RALGAPA2: variants seen among roughly 807,000 people sequenced by gnomAD.
The protein encoded by RALGAPA2 is Ral GTPase activating protein catalytic subunit alpha 2.
Under a neutral mutation model 230.4 loss-of-function variants are expected in RALGAPA2, and 139 were observed. That is an observed-to-expected ratio of 0.60 (90% CI 0.53 to 0.69). The LOEUF (loss-of-function observed/expected upper bound fraction) is 0.69, where lower values mean the gene tolerates loss of function less well. Ranked by LOEUF, RALGAPA2 falls within the 30% of genes least tolerant of loss-of-function variation. The pLI is 0.00. For missense variants in RALGAPA2, 2,163 were observed against 2,276.0 expected (o/e 0.95, Z 1.01); for synonymous variants, 847 against 837.8 (o/e 1.01, Z -0.19).
chr20:20,693,166 T>C (rs1481926311), intron 1 of RALGAPA2, among the ~76,000 whole-genome samples: 2 of 152,230 alleles, frequency 1.3e-5, no homozygotes, highest in East Asian at 3.9e-4. Context: ...CCAGGAGTGA[T>C]AGTCCTTGTG....
intron 24 of RALGAPA2, 50 bp downstream of exon 24, chr20:20,546,654 C>T (rs192290447): frequency 9.2e-6 from 14 of 1,519,756 alleles, no homozygotes; most frequent in African/African-American, 2.8e-5. Flanking sequence ...ACCTTGTTAG[C>T]GATTGTGAAG....
At position 20,709,724 on chromosome 20, in the gene RALGAPA2, A is replaced by G. The variant is rs1187139189; in HGVS notation, c.106+2651T>C. 3.3e-5 allele frequency among the ~76,000 whole-genome samples: 5 copies of G among 152,216 alleles called. No homozygotes were observed. In the East Asian group the frequency reaches 9.6e-4, roughly 29 times the overall value. ...AATCATACCAGACCAGTCTATAGCC[A>G]GGTGAAAGTATCTACATCCAAATTG... On this transcript the variant is annotated intron_variant, in intron 1 of 39. Coordinates refer to ENST00000202677, the MANE Select transcript of RALGAPA2 (RefSeq NM_020343.4).
intron 10 of RALGAPA2, among the ~76,000 whole-genome samples, chr20:20,623,654 C>G (rs1024419705): frequency 4.6e-5 from 7 of 152,172 alleles, no homozygotes; most frequent in Non-Finnish European, 7.4e-5. Flanking sequence ...CTCTCTGTCT[C>G]TCTGAGGTGC....
chr20:20,521,173 G>C, intron 30 of RALGAPA2, 73 bp from the exon 31 acceptor site: 1 of 1,277,428 alleles, frequency 7.8e-7, no homozygotes. Context: ...TCAAACTACT[G>C]CAGCACTTGG....
At chr20:20,443,533 T>C (rs925250086) in intron 37 of RALGAPA2, among the ~76,000 whole-genome samples, 2 of 152,206 alleles carry the variant, frequency 1.3e-5, no homozygotes, top group African/African-American at 4.8e-5. Context: ...CTGGTGCTAT[T>C]TGTCTTTTAT....
At chr20:20,536,119 C>T (rs1372034893) in intron 25 of RALGAPA2, among the ~76,000 whole-genome samples, 4 of 152,226 alleles carry the variant, frequency 2.6e-5, no homozygotes, top group Non-Finnish European at 5.9e-5. Context: ...ATGTTGTACA[C>T]TGAATTATAT....
rs1255631742 is a variant in RALGAPA2, at chr20:20,583,133, A to G, written c.2624T>C (p.Leu875Pro). The G allele has an allele frequency of 4.3e-6, 7 of 1,613,594 alleles. No individual in the cohort carries two copies. In the Admixed American group the frequency reaches 5.0e-5, roughly 12 times the overall value. Residue 875 changes from leucine to proline, a missense_variant, in exon 20 of 40, where the codon CTG becomes CCG. Transcript: ENST00000202677. ...PWQTCEEDPE[L>P]NTPTDVVADA... ...AGCCACAACATCTGTGGGAGTATTC[A>G]GTTCTGGGTCTTCCTCACAGGTCTG...
rs774042628 is a variant in RALGAPA2, at chr20:20,472,945, A to C, written c.5379T>G (p.Phe1793Leu). 8 of 1,593,136 alleles carry C rather than the reference A, an allele frequency of 5.0e-6. No individual in the cohort carries two copies. The East Asian group carries it at 6.7e-5, about 13-fold the overall frequency. The change falls in exon 37 of 40, where the codon TTT (phenylalanine) becomes TTG (leucine). Residue 1793 changes from phenylalanine (F) to leucine (L), a missense_variant. By Grantham distance (22) the Phe-to-Leu change is conservative. Transcript: ENST00000202677. ...CTATGGCTCCATCAAACAGAGGCCC[A>C]AAAAATGGAACCTGTTGATTTGAAA... ...AITKKPEVPF[F>L]GPLFDGAIVS...
At chr20:20,606,314 A>T (rs2065818598) in intron 14 of RALGAPA2, among the ~76,000 whole-genome samples, 1 of 151,900 alleles carries the variant, frequency 6.6e-6, no homozygotes, top group Non-Finnish European at 1.5e-5. Context: ...GGCTCCAGTT[A>T]TCCTCTGTGT....
chr20:20,669,785 C>T (rs560387790), intron 3 of RALGAPA2, among the ~76,000 whole-genome samples: 3 of 152,282 alleles, frequency 2.0e-5, no homozygotes, highest in African/African-American at 7.2e-5. Context: ...AAAACTTCTT[C>T]CTTCATAACA....
chr20:20,628,934 T>TC (rs2066579491), intron 10 of RALGAPA2, among the ~76,000 whole-genome samples: 1 of 152,184 alleles, frequency 6.6e-6, no homozygotes, highest in South Asian at 2.1e-4. Flanking sequence ...GCCACACGCC[T>TC]CTGCAGAGTT....
chr20:20,677,628 CATTTTTTT>C (rs1354274750), intron 2 of RALGAPA2, among the ~76,000 whole-genome samples: 2 of 121,840 alleles, frequency 1.6e-5, no homozygotes, highest in South Asian at 5.4e-4. Flanking sequence ...TGATTTGACC[CATTTTTTT>C]TTTTTTTTTT....
intron 27 of RALGAPA2, 91 bp downstream of exon 27, chr20:20,531,596 G>C (rs780410702): frequency 1.4e-4 from 153 of 1,074,894 alleles, no homozygotes; most frequent in Non-Finnish European, 2.1e-4. Flanking sequence ...TGTCATTTGG[G>C]GGATAAAAAA....
rs533971281 is a variant in RALGAPA2, at chr20:20,429,806, T to A, written c.5496-17658A>T. Among the ~76,000 whole-genome samples the A allele has an allele frequency of 6.4e-4, 97 of 152,328 alleles. 1 individual carries two copies. Among genetic ancestry groups the A allele is most frequent in the African/African-American group, 2.2e-3 (92 of 41,574 alleles). On this transcript the variant is annotated intron_variant, in intron 37 of 39. Coordinates refer to ENST00000202677, the MANE Select transcript of RALGAPA2 (RefSeq NM_020343.4). ...ATCAAAACACTGAGAGGAACAGGAA[T>A]GAACTGTCATTCTTTCATTGCTATC...
At position 20,505,137 on chromosome 20, in the gene RALGAPA2, T is replaced by TAGAC. The variant is rs1162513364; in HGVS notation, c.5052+273_5052+274insGTCT. On this transcript the variant is annotated intron_variant, in intron 34 of 39. Transcript: ENST00000202677. ...ACATTTGTCTTCTCTTACTACAAAC[T>TAGAC]GTCTATGTCTGGGAGAGCCCATCTG... is the stretch of plus-strand genomic sequence containing the variant. 1.9e-5 allele frequency: 19 copies of TAGAC among 985,306 alleles called. No homozygotes were observed. The Admixed American group carries it at 3.7e-4, about 19-fold the overall frequency. 61.0% of individuals were successfully genotyped at this position (985,306 alleles called of 1,614,324 possible).
Position 20,584,893 on chromosome 20 carries a change from T to C in RALGAPA2, c.2502A>G (p.Thr834=), listed in dbSNP as rs2065087765. 6.2e-7 allele frequency: 1 copy of C among 1,611,796 alleles called. No homozygotes were observed. The highest frequency in any genetic ancestry group is 8.5e-7 in the Non-Finnish European group (1 of 1,178,518). The change falls in exon 19 of 40, where the codon ACA becomes ACG. Residue 834 remains threonine (T), a synonymous_variant. Coordinates refer to ENST00000202677, the MANE Select transcript of RALGAPA2 (RefSeq NM_020343.4). ...ELDLKDDLQQ[T]QGKCRERQKS... The stretch of plus-strand genomic sequence containing the variant: ...TCTGTCTTTCCCTACATTTTCCTTG[T>C]GTCTGCTGCAAATCATCTTTCAAAT...
At chr20:20,474,157 A>G (rs768666293) in intron 36 of RALGAPA2, among the ~76,000 whole-genome samples, 13 of 152,226 alleles carry the variant, frequency 8.5e-5, no homozygotes, top group Non-Finnish European at 1.6e-4. Flanking sequence ...ATGACATTTC[A>G]GTAAAGGCCT....
At chr20:20,565,578 A>G (rs1317283063) in intron 23 of RALGAPA2, among the ~76,000 whole-genome samples, 1 of 152,202 alleles carries the variant, frequency 6.6e-6, no homozygotes, top group Non-Finnish European at 1.5e-5. Flanking sequence ...CGTTAAGAAA[A>G]TCATGAACTA....
chr20:20,439,701 A>T (rs1272137156), intron 37 of RALGAPA2, among the ~76,000 whole-genome samples: 3 of 152,214 alleles, frequency 2.0e-5, no homozygotes, highest in Admixed American at 6.5e-5. Context: ...CTACATGCAC[A>T]GCTTCAGAGC....
Sources: gnomAD v4.1 joint callset for allele counts (sites outside exome capture counted in the v4.1 genomes callset) on GRCh38, gnomAD v4.1.1 for gene constraint, MANE v1.5 for transcripts, NCBI Gene and HGNC (gene_info 2026-07-23, HGNC 2026-07-21) for gene names.